Variants in MICAL3 observed in about 807,000 individuals in gnomAD.
MICAL3 encodes microtubule associated monooxygenase, calponin and LIM domain containing 3.
MICAL3 carries 62 observed loss-of-function variants against 207.4 expected under a neutral mutation model. That is an observed-to-expected ratio of 0.30 (90% CI 0.24 to 0.37). The LOEUF is 0.37. Among genes scored for constraint, MICAL3 ranks in the 10% least tolerant of loss-of-function variants. The pLI, the probability that MICAL3 is intolerant of heterozygous loss-of-function variation, is 1.00. For synonymous variants in MICAL3, 1,077 were observed against 1,069.3 expected, an observed-to-expected ratio of 1.01 and a Z score of -0.14; for missense variants, 2,368 against 2,635.6, an observed-to-expected ratio of 0.90 and a Z score of 2.22.
intron 1 of MICAL3, among the ~76,000 whole-genome samples, chr22:17,969,083 C>T (rs1935285961): frequency 6.6e-6 from 1 of 152,076 alleles, no homozygotes; most frequent in African/African-American, 2.4e-5. Flanking sequence ...CACTCTGTCA[C>T]CCAGGCTGGA....
chr22:17,818,061 T>C lies in MICAL3; in HGVS notation c.4600A>G (p.Thr1534Ala), dbSNP rs376600311. ...DDVEDTYDDK[T>A]EDSSLQEKFF... ...TTCTCCTGCAGGCTTGAGTCCTCAG[T>C]CTTGTCGTCATAGGTGTCCTCCACA... Residue 1534 changes from threonine to alanine, a missense_variant, in exon 26 of 32, where the codon ACT becomes GCT. Physicochemically the swap from Thr to Ala is moderately conservative, Grantham distance 58. Coordinates refer to ENST00000441493, the MANE Select transcript of MICAL3 (RefSeq NM_015241.3). 1.9e-5 allele frequency: 31 copies of C among 1,612,802 alleles called. No homozygotes were observed. The highest frequency in any genetic ancestry group is 2.2e-5 in the Non-Finnish European group (26 of 1,179,752).
intron 28 of MICAL3, among the ~76,000 whole-genome samples, chr22:17,810,054 ATTTTTTTTT>A (rs758573402): frequency 6.1e-4 from 59 of 97,052 alleles, no homozygotes; most frequent in South Asian, 1.4e-3. Context: ...ATGCCTGGCT[ATTTTTTTTT>A]TTTTTTTTTT....
intron 16 of MICAL3, chr22:17,884,211 T>G: frequency 8.6e-7 from 1 of 1,168,924 alleles, no homozygotes; most frequent in South Asian, 1.4e-5. Flanking sequence ...CCTGGCTGGC[T>G]CAGGAGGAGG....
chr22:17,798,892 C>G (rs1195624728), intron 29 of MICAL3, among the ~76,000 whole-genome samples: 2 of 151,728 alleles, frequency 1.3e-5, no homozygotes, highest in East Asian at 2.0e-4. Flanking sequence ...CCAGGATGGT[C>G]TCGATCTCCT....
At chr22:17,994,154 C>G (rs964192860) in intron 1 of MICAL3, among the ~76,000 whole-genome samples, 10 of 152,226 alleles carry the variant, frequency 6.6e-5, no homozygotes, top group Non-Finnish European at 1.3e-4. Context: ...TCTCCCACCC[C>G]TGTCCCTGTC....
At chr22:17,806,860 C>T (rs548518338) in intron 29 of MICAL3, among the ~76,000 whole-genome samples, 4 of 152,344 alleles carry the variant, frequency 2.6e-5, no homozygotes, top group African/African-American at 9.6e-5. Flanking sequence ...TGGCAAAACC[C>T]TAACGCCAAT....
rs771359097 is a variant in MICAL3, at chr22:17,810,683, C to T, written c.5556+20G>A. 6.3e-7 allele frequency: 1 copy of T among 1,596,776 alleles called. No individual in the cohort carries two copies. Among genetic ancestry groups the T allele is most frequent in the East Asian group, 2.2e-5 (1 of 44,798 alleles). The stretch of plus-strand genomic sequence containing the variant: ...AACCCTCCCATGCATGTGCCCTGGT[C>T]CCATCCTCCATGGTTTTACCTGGGC... On this transcript the variant is annotated intron_variant, in intron 28 of 31. Coordinates refer to ENST00000441493, the MANE Select transcript of MICAL3 (RefSeq NM_015241.3).
chr22:17,882,625 C>T (rs1005012144), intron 16 of MICAL3, among the ~76,000 whole-genome samples: 1 of 152,226 alleles, frequency 6.6e-6, no homozygotes, highest in Admixed American at 6.5e-5. Context: ...TTCACATGGA[C>T]TTAAGAACTG....
intron 1 of MICAL3, among the ~76,000 whole-genome samples, chr22:17,977,312 A>G (rs1935702417): frequency 6.6e-6 from 1 of 152,218 alleles, no homozygotes; most frequent in Non-Finnish European, 1.5e-5. Flanking sequence ...ACTTGTATCC[A>G]GAAGACATAA....
At chr22:18,015,580 T>G (rs1432140675) in intron 1 of MICAL3, among the ~76,000 whole-genome samples, 1 of 151,940 alleles carries the variant, frequency 6.6e-6, no homozygotes, top group Non-Finnish European at 1.5e-5. Context: ...ACTCGGCTAA[T>G]TTTTGTATTT....
chr22:17,862,262 CT>C (rs781577539), intron 19 of MICAL3: 109,220 of 651,374 alleles, frequency 0.17, no homozygotes, highest in Non-Finnish European at 0.19. Flanking sequence ...CCCTTTTCTT[CT>C]TTTTTTTTTT....
chr22:17,858,220 TAAAG>T (rs150174228), intron 19 of MICAL3, among the ~76,000 whole-genome samples: 2,287 of 152,140 alleles, frequency 0.015, 55 homozygotes, highest in African/African-American at 0.052. Flanking sequence ...GGAGCAATTA[TAAAG>T]AAAGAGGTGT....
intron 1 of MICAL3, among the ~76,000 whole-genome samples, chr22:17,973,488 C>T (rs5992932): frequency 0.2 from 30,108 of 152,098 alleles, 3,192 homozygotes; most frequent in Middle Eastern, 0.27. Context: ...GGAAGCAGCA[C>T]AGGGTGTGAA....
At chr22:17,863,122 G>T in intron 19 of MICAL3, 1 of 985,348 alleles carries the variant, frequency 1.0e-6, no homozygotes, top group Non-Finnish European at 1.2e-6. Context: ...CTAAAAACCT[G>T]AAACCCATTA....
At position 17,953,783 on chromosome 22, in the gene MICAL3, T is replaced by A. The variant is rs546104242; in HGVS notation, c.-74-46897A>T. 4.6e-5 allele frequency among the ~76,000 whole-genome samples: 7 copies of A among 151,546 alleles called. No homozygotes were observed. The East Asian group carries it at 5.8e-4, about 13-fold the overall frequency. On this transcript the variant is annotated intron_variant, in intron 1 of 31. Transcript: ENST00000441493. ...CCGTCTTTACTAAAAATACAAAAAT[T>A]AGCTGAACGCAGTGGTGCGTACCTG...
intron 19 of MICAL3, chr22:17,864,089 T>G: frequency 1.0e-6 from 1 of 987,146 alleles, no homozygotes; most frequent in Non-Finnish European, 1.2e-6. Context: ...AGGCAAGTTT[T>G]ACAAGTTGCT....
intron 1 of MICAL3, among the ~76,000 whole-genome samples, chr22:17,921,054 G>T (rs1371938633): frequency 6.6e-6 from 1 of 152,072 alleles, no homozygotes; most frequent in Non-Finnish European, 1.5e-5. Context: ...TGGGCCCCAA[G>T]ATCTTTACCC....
At chr22:17,877,547 G>GAGGGAGGTTATGGAGGTTAGGGAGGTT (rs1928944739) in intron 16 of MICAL3, among the ~76,000 whole-genome samples, 1 of 60,200 alleles carries the variant, frequency 1.7e-5, no homozygotes, top group African/African-American at 5.7e-5. Flanking sequence ...TTATGGAGGT[G>GAGGGAGGTTATGGAGGTTAGGGAGGTT]AGGGAGGTTA....
intron 29 of MICAL3, among the ~76,000 whole-genome samples, chr22:17,807,955 C>A (rs368332057): frequency 6.6e-6 from 1 of 152,248 alleles, no homozygotes; most frequent in African/African-American, 2.4e-5. Context: ...TATAAAGAGA[C>A]GGAAGTTCCC....
Sources: gnomAD v4.1 joint callset for allele counts (sites outside exome capture counted in the v4.1 genomes callset) on GRCh38, gnomAD v4.1.1 for gene constraint, MANE v1.5 for transcripts, NCBI Gene and HGNC (gene_info 2026-07-23, HGNC 2026-07-21) for gene names.